The following RBFOX1 variants were observed in gnomAD, a reference collection of about 807,000 sequenced individuals.
RBFOX1 encodes the protein RNA binding protein fox-1 homolog 1.
RBFOX1 carries 8 observed loss-of-function variants against 57.7 expected under a neutral mutation model. The observed-to-expected ratio is 0.14, with a 90% CI of 0.08 to 0.25. The LOEUF is 0.25. Among genes scored for constraint, RBFOX1 ranks in the 10% least tolerant of loss-of-function variants. The probability of loss-of-function intolerance (pLI) is 1.00; values close to 1 mark genes in which losing one functional copy is unlikely to be tolerated. For synonymous variants in RBFOX1, 326 were observed against 222.4 expected (o/e 1.47, Z -4.15); for missense variants, 611 against 548.5 (o/e 1.11, Z -1.14).
At chr16:7,611,039 G>A (rs1302577450) in intron 10 of RBFOX1, among the ~76,000 whole-genome samples, 3 of 152,146 alleles carry the variant, frequency 2.0e-5, no homozygotes, top group Non-Finnish European at 4.4e-5. Flanking sequence ...TAGAAAGCCA[G>A]ACTTATTAGT....
intron 3 of RBFOX1, among the ~76,000 whole-genome samples, chr16:6,937,126 C>T (rs1298407462): frequency 1.3e-5 from 2 of 152,084 alleles, no homozygotes; most frequent in Non-Finnish European, 2.9e-5. Flanking sequence ...ATCCATCAGC[C>T]AGTAATTTTA....
intron 3 of RBFOX1, chr16:5,616,100 A>T (rs1187646885): frequency 6.6e-6 from 1 of 152,404 alleles, no homozygotes; most frequent in East Asian, 1.9e-4. Flanking sequence ...CTAAGCCCTG[A>T]CCTGCAAGGG....
chr16:6,513,451 A>G (rs1024921124), intron 2 of RBFOX1, among the ~76,000 whole-genome samples: 4 of 152,152 alleles, frequency 2.6e-5, no homozygotes, highest in African/African-American at 7.2e-5. Context: ...GGAGACCATG[A>G]GGCCGGGCGC....
At chr16:7,560,860 G>A (rs2090164703) in intron 5 of RBFOX1, among the ~76,000 whole-genome samples, 1 of 152,196 alleles carries the variant, frequency 6.6e-6, no homozygotes, top group African/African-American at 2.4e-5. Context: ...CTCTGCTAAT[G>A]TGTGACTGCT....
In RBFOX1 at chr16:7,226,537, C is replaced by G. The variant is rs192279580; in HGVS notation, c.27+174439C>G. Among the ~76,000 whole-genome samples, 16 of 152,310 alleles carry G rather than the reference C, an allele frequency of 1.1e-4. No individual in the cohort carries two copies. The East Asian group carries it at 2.3e-3, about 22-fold the overall frequency. On this transcript the variant is annotated intron_variant, in intron 4 of 15. Transcript: ENST00000550418. Reference sequence around the variant, plus strand: ...TGAATTTTCCTTGGGTCTGCCGTAACAAATTCTCTCAATGGTGCCTCCATA... The same window carrying G: ...TGAATTTTCCTTGGGTCTGCCGTAAGAAATTCTCTCAATGGTGCCTCCATA...
At chr16:7,169,130 A>C (rs185751922) in intron 4 of RBFOX1, among the ~76,000 whole-genome samples, 1 of 152,230 alleles carries the variant, frequency 6.6e-6, no homozygotes, top group South Asian at 2.1e-4. Context: ...GTTCTCACCT[A>C]TTAAGAAGGC....
intron 1 of RBFOX1, among the ~76,000 whole-genome samples, chr16:6,240,461 C>G (rs1000181697): frequency 6.6e-6 from 1 of 152,036 alleles, no homozygotes; most frequent in South Asian, 2.1e-4. Context: ...GTGAACCTTC[C>G]TCCCCTCCTT....
rs573629704 is a variant in RBFOX1 at position 6,671,977 on chromosome 16, A to AG, written c.-16+17328dup. Among the ~76,000 whole-genome samples the AG allele has an allele frequency of 1.5e-3, 229 of 152,342 alleles. 1 individual carries two copies. Among genetic ancestry groups the AG allele is most frequent in the African/African-American group, 5.3e-3 (221 of 41,592 alleles). On this transcript the variant is annotated intron_variant, in intron 3 of 15. Coordinates refer to ENST00000550418, the MANE Select transcript of RBFOX1 (RefSeq NM_018723.4). ...ATAATGCGAAATAACAATATCGAACAGCTGATTTTAAATGGCTTGGTCATA... is the reference window on the plus strand; with the variant it reads ...ATAATGCGAAATAACAATATCGAACAGGCTGATTTTAAATGGCTTGGTCATA...
chr16:6,623,844 T>C (rs1365709020), intron 2 of RBFOX1, among the ~76,000 whole-genome samples: 2 of 152,226 alleles, frequency 1.3e-5, no homozygotes, highest in South Asian at 2.1e-4. Context: ...CAGTCTATCA[T>C]TGTTGGACAT....
chr16:6,236,483 G>A (rs1179964362), intron 1 of RBFOX1, among the ~76,000 whole-genome samples: 1 of 151,028 alleles, frequency 6.6e-6, no homozygotes, highest in African/African-American at 2.5e-5. Flanking sequence ...CCCTCAGGCT[G>A]GAGTGCAGCA....
chr16:5,319,953 T>G (rs2064356503), intron 1 of RBFOX1, among the ~76,000 whole-genome samples: 1 of 152,162 alleles, frequency 6.6e-6, no homozygotes, highest in Non-Finnish European at 1.5e-5. Context: ...GGGGCATATA[T>G]CACATCTTCC....
At chr16:6,313,721 A>G (rs2080691435) in intron 1 of RBFOX1, among the ~76,000 whole-genome samples, 1 of 152,066 alleles carries the variant, frequency 6.6e-6, no homozygotes, top group East Asian at 1.9e-4. Flanking sequence ...ATCTTGGTAC[A>G]ATGAAAATTG....
intron 1 of RBFOX1, among the ~76,000 whole-genome samples, chr16:6,023,788 C>T (rs544045797): frequency 1.3e-4 from 20 of 152,174 alleles, no homozygotes; most frequent in Admixed American, 9.2e-4. Flanking sequence ...CCCACAGTGT[C>T]GTGCCGGAGA....
rs188431219 is a variant in RBFOX1 at position 6,639,926 on chromosome 16, T to A, written c.-63-14677T>A. 5.7e-4 allele frequency among the ~76,000 whole-genome samples: 87 copies of A among 152,200 alleles called. 1 individual carries two copies. Among genetic ancestry groups the A allele is most frequent in the African/African-American group, 2.0e-3 (85 of 41,536 alleles). ...AACCAAAAAAACAAGATTACAGTTA[T>A]GACAGGTATTTTGACCCCTAACTAT... On this transcript the variant is annotated intron_variant, in intron 2 of 15. Transcript: ENST00000550418.
chr16:5,371,675 C>T (rs1458825600), intron 1 of RBFOX1, among the ~76,000 whole-genome samples: 1 of 152,178 alleles, frequency 6.6e-6, no homozygotes, highest in Non-Finnish European at 1.5e-5. Flanking sequence ...TTCTCTTTTT[C>T]CCACATTTTG....
At chr16:7,257,718 T>A (rs992316164) in intron 4 of RBFOX1, among the ~76,000 whole-genome samples, 1 of 152,220 alleles carries the variant, frequency 6.6e-6, no homozygotes, top group Non-Finnish European at 1.5e-5. Context: ...TCCCTTGCTC[T>A]GTTCTGCATA....
chr16:6,476,281 A>G (rs1597791550), intron 2 of RBFOX1, among the ~76,000 whole-genome samples: 1 of 152,212 alleles, frequency 6.6e-6, no homozygotes, highest in South Asian at 2.1e-4. Flanking sequence ...AAATATCCGT[A>G]GAGACATACA....
chr16:6,253,584 G>A (rs190315636), intron 1 of RBFOX1, among the ~76,000 whole-genome samples: 1 of 147,436 alleles, frequency 6.8e-6, no homozygotes, highest in East Asian at 2.1e-4. Context: ...TTGATCAATG[G>A]TTGATGATAG....
chr16:6,081,018 A>T (rs2095993085), intron 1 of RBFOX1, among the ~76,000 whole-genome samples: 1 of 152,176 alleles, frequency 6.6e-6, no homozygotes, highest in Non-Finnish European at 1.5e-5. Flanking sequence ...TGAGAGGGGA[A>T]TTTTATTTAC....
Sources: gnomAD v4.1 joint callset for allele counts (sites outside exome capture counted in the v4.1 genomes callset) on GRCh38, gnomAD v4.1.1 for gene constraint, MANE v1.5 for transcripts, NCBI Gene and HGNC (gene_info 2026-07-23, HGNC 2026-07-21) for gene names.